Variants in CHCHD3 observed in about 807,000 individuals in gnomAD.
The protein encoded by CHCHD3 is MICOS complex subunit MIC19.
In CHCHD3, 20 loss-of-function variants were observed where a neutral mutation model predicts 38.2. The observed-to-expected ratio is 0.52, with a 90% CI of 0.37 to 0.76. The LOEUF (loss-of-function observed/expected upper bound fraction) is 0.76. Ranked by LOEUF, CHCHD3 falls within the 30% of genes least tolerant of loss-of-function variation. The probability of loss-of-function intolerance (pLI) is 0.00; values close to 1 mark genes in which losing one functional copy is unlikely to be tolerated. For missense variants in CHCHD3, 245 were observed against 279.2 expected (o/e 0.88, Z 0.87); for synonymous variants, 82 against 100.0 (o/e 0.82, Z 1.07).
chr7:132,914,124 G>A lies in CHCHD3; in HGVS notation c.370-28379C>T, dbSNP rs534248820. 8.0e-4 allele frequency among the ~76,000 whole-genome samples: 9 copies of A among 11,218 alleles called. No homozygotes were observed. The South Asian group carries it at 0.015, about 19-fold the overall frequency. The allele number at this position is 11,218 out of a possible 152,430, so 7.4% of individuals were successfully genotyped here. ...ACAGATGCCCACCACCATGCCTGGC[G>A]TGTGTGTGTGTGTGTGTGTGTGTGT... On this transcript the variant is annotated intron_variant, in intron 4 of 7. Coordinates refer to ENST00000262570, the MANE Select transcript of CHCHD3 (RefSeq NM_017812.4).
chr7:132,960,432 T>C (rs959762025), intron 4 of CHCHD3, among the ~76,000 whole-genome samples: 1 of 152,160 alleles, frequency 6.6e-6, no homozygotes. Flanking sequence ...TTCTTTTTGA[T>C]GCCTCCAGGG....
intron 5 of CHCHD3, among the ~76,000 whole-genome samples, chr7:132,859,745 T>G (rs896249172): frequency 2.0e-5 from 3 of 152,148 alleles, no homozygotes; most frequent in Non-Finnish European, 4.4e-5. Context: ...TGTCTTCCCT[T>G]AAGAAGTAAC....
At chr7:132,801,140 G>A (rs1201161785) in intron 6 of CHCHD3, among the ~76,000 whole-genome samples, 1 of 152,080 alleles carries the variant, frequency 6.6e-6, no homozygotes, top group Non-Finnish European at 1.5e-5. Flanking sequence ...ATTCACTTTT[G>A]TTTTTCTCAT....
intron 2 of CHCHD3, among the ~76,000 whole-genome samples, chr7:133,032,219 T>C (rs1224395961): frequency 1.3e-5 from 2 of 152,154 alleles, no homozygotes; most frequent in African/African-American, 2.4e-5. Flanking sequence ...ACAGAGAATA[T>C]AGGTATATTC....
At chr7:132,866,374 T>G (rs6467448) in intron 5 of CHCHD3, among the ~76,000 whole-genome samples, 1 of 152,054 alleles carries the variant, frequency 6.6e-6, no homozygotes, top group Non-Finnish European at 1.5e-5. Context: ...GTCTAAAACA[T>G]GAGGATAACA....
rs1348855030 is a variant in CHCHD3, at chr7:132,975,253, C to A, written c.285G>T (p.Arg95Ser). 4.3e-6 allele frequency: 7 copies of A among 1,612,966 alleles called. No individual in the cohort carries two copies. The African/African-American group carries it at 9.4e-5, about 22-fold the overall frequency. The change falls in exon 4 of 8, where the codon AGG becomes AGT. Residue 95 changes from arginine to serine, a missense_variant. Physicochemically the swap from Arg to Ser is moderately radical, Grantham distance 110. Transcript: ENST00000262570. Reference sequence around the variant, plus strand: ...TGGTTAACTGCTCATTGGCAGCAGCCCTCTCTCGGTCCAGCTCTTTGGCTT... The same window carrying A: ...TGGTTAACTGCTCATTGGCAGCAGCACTCTCTCGGTCCAGCTCTTTGGCTT... ...LKQAKELDRE[R>S]AAANEQLTRA...
At chr7:132,866,067 C>A (rs976869050) in intron 5 of CHCHD3, among the ~76,000 whole-genome samples, 1 of 152,158 alleles carries the variant, frequency 6.6e-6, no homozygotes, top group Non-Finnish European at 1.5e-5. Context: ...TGGACAGGAA[C>A]CATTTCCAAT....
At chr7:132,885,498 G>C (rs907775870) in intron 5 of CHCHD3, among the ~76,000 whole-genome samples, 164 bp downstream of exon 5, 4 of 152,122 alleles carry the variant, frequency 2.6e-5, no homozygotes, top group African/African-American at 9.7e-5. Context: ...AAGAAAAAAT[G>C]ACATTGTTAC....
chr7:132,955,531 TG>T (rs1215174172), intron 4 of CHCHD3, among the ~76,000 whole-genome samples: 19 of 150,822 alleles, frequency 1.3e-4, no homozygotes, highest in Non-Finnish European at 2.8e-4. Flanking sequence ...GTTTGTTTTT[TG>T]GGGTTTTTTG....
chr7:132,978,302 T>C lies in CHCHD3; in HGVS notation c.252-3016A>G, dbSNP rs963465572. Among the ~76,000 whole-genome samples, 23 of 152,298 alleles carry C rather than the reference T, an allele frequency of 1.5e-4. 1 individual carries two copies. The highest frequency in any genetic ancestry group is 1.0e-3 in the Admixed American group (16 of 15,298). ...ATCATCTTTTCCAATTTTTCACCAA[T>C]AAATTCTGCTTTATTTTTATGATCT... On this transcript the variant is annotated intron_variant, in intron 3 of 7. Transcript: ENST00000262570.
intron 2 of CHCHD3, among the ~76,000 whole-genome samples, chr7:133,060,958 A>G (rs6954759): frequency 2.0e-5 from 3 of 152,114 alleles, no homozygotes; most frequent in Admixed American, 1.3e-4. Flanking sequence ...TACAAGAACT[A>G]CAATATGACT....
intron 3 of CHCHD3, among the ~76,000 whole-genome samples, chr7:133,005,227 A>G (rs1447570054): frequency 6.6e-6 from 1 of 152,200 alleles, no homozygotes. Context: ...ACAAAAAACA[A>G]ACCTAAAATC....
At chr7:132,793,197 A>C (rs1018010514) in intron 7 of CHCHD3, among the ~76,000 whole-genome samples, 1 of 152,210 alleles carries the variant, frequency 6.6e-6, no homozygotes, top group African/African-American at 2.4e-5. Context: ...TATTTGGTAC[A>C]AGCAGCACCT....
chr7:132,891,211 G>C (rs941681338), intron 4 of CHCHD3, among the ~76,000 whole-genome samples: 1 of 152,160 alleles, frequency 6.6e-6, no homozygotes, highest in African/African-American at 2.4e-5. Flanking sequence ...TCTTTACCAA[G>C]TGGCATTAAT....
At chr7:132,821,784 C>T (rs1443558464) in intron 6 of CHCHD3, among the ~76,000 whole-genome samples, 1 of 118,554 alleles carries the variant, frequency 8.4e-6, no homozygotes, top group Non-Finnish European at 1.6e-5. Context: ...GAGACGGAGT[C>T]TCGCTCTGTC....
intron 6 of CHCHD3, among the ~76,000 whole-genome samples, chr7:132,826,033 C>T (rs180991277): frequency 6.6e-6 from 1 of 152,262 alleles, no homozygotes; most frequent in African/African-American, 2.4e-5. Flanking sequence ...TGTATGCTAC[C>T]TTCGACATTC....
At chr7:133,072,089 G>A (rs1401569402) in intron 1 of CHCHD3, among the ~76,000 whole-genome samples, 1 of 151,646 alleles carries the variant, frequency 6.6e-6, no homozygotes, top group Non-Finnish European at 1.5e-5. Flanking sequence ...AGGATCACTT[G>A]AGCCCAGGAG....
intron 3 of CHCHD3, among the ~76,000 whole-genome samples, chr7:132,981,374 T>C (rs573424860): frequency 5.7e-4 from 87 of 152,334 alleles, no homozygotes; most frequent in African/African-American, 2.1e-3. Flanking sequence ...GATGGTGATC[T>C]GACTTCCAAA....
At chr7:133,030,352 T>G (rs561760857) in intron 2 of CHCHD3, among the ~76,000 whole-genome samples, 3 of 152,194 alleles carry the variant, frequency 2.0e-5, no homozygotes, top group Non-Finnish European at 4.4e-5. Flanking sequence ...CTGAAAACAC[T>G]CTTTTCAGCT....
Sources: allele counts gnomAD v4.1 joint callset (sites outside exome capture counted in the v4.1 genomes callset), GRCh38; gene constraint gnomAD v4.1.1; transcripts MANE v1.5; gene names NCBI Gene and HGNC (gene_info 2026-07-23, HGNC 2026-07-21).